The following CELF5 variants were observed in gnomAD, a reference collection of about 807,000 sequenced individuals.
CELF5 encodes the protein CUGBP Elav-like family member 5.
A neutral mutation model predicts 54.9 loss-of-function variants in CELF5; 6 were observed. The ratio of observed to expected loss-of-function variants is 0.11; its 90% CI spans 0.06 to 0.22. CELF5 has a LOEUF of 0.22. CELF5 is among the 10% of genes least tolerant of loss of function. The probability of loss-of-function intolerance (pLI) is 1.00; values close to 1 mark genes in which losing one functional copy is unlikely to be tolerated. For missense variants in CELF5, 401 were observed against 678.6 expected (o/e 0.59, Z 4.54); for synonymous variants, 271 against 290.9 (o/e 0.93, Z 0.70).
At position 3,284,629 on chromosome 19, in the gene CELF5, G is replaced by A. The variant is rs1219539144; in HGVS notation, c.1040-273G>A. 7 of 493,700 alleles carry A rather than the reference G, an allele frequency of 1.4e-5. No individual in the cohort carries two copies. The East Asian group carries it at 2.0e-4, about 14-fold the overall frequency. 30.6% of individuals were successfully genotyped at this position (493,700 alleles called of 1,614,324 possible). On this transcript the variant is annotated intron_variant, in intron 8 of 12. Transcript: ENST00000292672. ...GTCCCCCTTGGGAGGCAACCGGGTC[G>A]GGATAGGGAGAGGGAGATGGGGACG...
rs369283462 is a variant in CELF5, at chr19:3,265,833, G to C, written c.343-8039G>C. ...TTTTCTTTCTTTTTTTTGAGATGGA[G>C]TCTCACTCTGTCATCCAGGCCAGAG... On this transcript the variant is annotated intron_variant, in intron 2 of 12. Coordinates refer to ENST00000292672, the MANE Select transcript of CELF5 (RefSeq NM_021938.4). Among the ~76,000 whole-genome samples the C allele has an allele frequency of 8.6e-5, 13 of 151,870 alleles. No homozygotes were observed. The East Asian group carries it at 2.3e-3, about 27-fold the overall frequency.
chr19:3,257,688 C>G (rs964045853), intron 2 of CELF5, among the ~76,000 whole-genome samples: 16 of 151,846 alleles, frequency 1.1e-4, no homozygotes, highest in Non-Finnish European at 2.4e-4. Flanking sequence ...GTTGGTCAGG[C>G]TGGTCTCGAA....
chr19:3,224,961 C>A lies in CELF5; in HGVS notation c.222C>A (p.Leu74=), dbSNP rs1295311537. 1 of 1,606,912 alleles carries A rather than the reference C, an allele frequency of 6.2e-7. No homozygotes were observed. Among genetic ancestry groups the A allele is most frequent in the Admixed American group, 1.7e-5 (1 of 59,380 alleles). Residue 74 remains leucine (L), a synonymous_variant, in exon 1 of 13, where the codon CTC becomes CTA. Transcript: ENST00000292672. ...AGCAGTTCGGCCGCATCTACGAGCT[C>A]ACGGTGCTCAAAGACCCCTACACGG... ...LFEQFGRIYE[L]TVLKDPYTGM...
intron 2 of CELF5, among the ~76,000 whole-genome samples, chr19:3,270,125 G>A (rs912701198): frequency 5.3e-5 from 8 of 151,996 alleles, no homozygotes; most frequent in Admixed American, 5.2e-4. Flanking sequence ...TCTACCCTCA[G>A]CTCTCCCAGC....
intron 1 of CELF5, among the ~76,000 whole-genome samples, chr19:3,233,968 G>A (rs1715829156): frequency 6.6e-6 from 1 of 152,218 alleles, no homozygotes; most frequent in Non-Finnish European, 1.5e-5. Flanking sequence ...GGCGCCTGGA[G>A]GTAGCTGGAA....
At chr19:3,241,495 C>A (rs73517156) in intron 1 of CELF5, among the ~76,000 whole-genome samples, 3,208 of 152,032 alleles carry the variant, frequency 0.021, 71 homozygotes, top group African/African-American at 0.057. Context: ...CCTCCAGAAC[C>A]CCAAGGCTCT....
chr19:3,233,782 C>CA (rs1917387852), intron 1 of CELF5, among the ~76,000 whole-genome samples: 1 of 152,154 alleles, frequency 6.6e-6, no homozygotes, highest in Admixed American at 6.5e-5. Context: ...GAGGTGGAGC[C>CA]ATGGAGACCT....
chr19:3,292,638 A>T (rs2080370813), intron 11 of CELF5, among the ~76,000 whole-genome samples: 1 of 152,202 alleles, frequency 6.6e-6, no homozygotes, highest in African/African-American at 2.4e-5. Flanking sequence ...AGAGGTACTG[A>T]CAGAGATGGA....
At chr19:3,279,380 A>T (rs1329237247) in intron 5 of CELF5, among the ~76,000 whole-genome samples, 1 of 152,110 alleles carries the variant, frequency 6.6e-6, no homozygotes, top group African/African-American at 2.4e-5. Context: ...CGAATCTGCT[A>T]CAAGGAAGAT....
At chr19:3,260,684 G>A (rs574588464) in intron 2 of CELF5, among the ~76,000 whole-genome samples, 155 of 148,240 alleles carry the variant, frequency 1.0e-3, no homozygotes, top group African/African-American at 3.7e-3. Context: ...GTGCAGTGGC[G>A]TGATCTTGGC....
At chr19:3,274,742 G>A (rs2080019844) in intron 3 of CELF5, among the ~76,000 whole-genome samples, 1 of 152,174 alleles carries the variant, frequency 6.6e-6, no homozygotes, top group African/African-American at 2.4e-5. Flanking sequence ...GTTGAGTGGA[G>A]GCATGGAGCA....
At chr19:3,263,950 C>T (rs1041562084) in intron 2 of CELF5, among the ~76,000 whole-genome samples, 6 of 152,080 alleles carry the variant, frequency 3.9e-5, no homozygotes, top group African/African-American at 1.2e-4. Flanking sequence ...AGTACACACA[C>T]TTACAGAAAA....
chr19:3,285,992 C>T lies in CELF5; in HGVS notation c.1153C>T (p.Pro385Ser). 1.9e-6 allele frequency: 3 copies of T among 1,584,588 alleles called. No homozygotes were observed. Among genetic ancestry groups the T allele is most frequent in the South Asian group, 2.3e-5 (2 of 88,688 alleles). ...ITPIAHSVPQPPPLLQQQQRE... is the reference protein window; with the variant it reads ...ITPIAHSVPQSPPLLQQQQRE... The stretch of plus-strand genomic sequence containing the variant: ...GCCCATCGCGCACAGCGTCCCCCAG[C>T]CGCCGCCCCTCCTGCAGCAGCAGCA... Residue 385 changes from proline (P) to serine (S), a missense_variant, in exon 10 of 13, where the codon CCG becomes TCG. Pro to Ser is a moderately conservative substitution (Grantham distance 74). Coordinates refer to ENST00000292672, the MANE Select transcript of CELF5 (RefSeq NM_021938.4).
At chr19:3,255,439 C>T (rs1280233854) in intron 2 of CELF5, among the ~76,000 whole-genome samples, 3 of 152,134 alleles carry the variant, frequency 2.0e-5, no homozygotes, top group Admixed American at 6.6e-5. Flanking sequence ...CTGCCTCGGC[C>T]TCCCAAAGTG....
Position 3,251,863 on chromosome 19 carries a change from C to T in CELF5, c.342+796C>T, listed in dbSNP as rs187718953. On this transcript the variant is annotated intron_variant, in intron 2 of 12. Transcript: ENST00000292672. Reference sequence around the variant, plus strand: ...CTAATTTTTGTATTTTTAGTAGAGACGGGGTTTTGCCATATTGGCCAGGCT... The same window carrying T: ...CTAATTTTTGTATTTTTAGTAGAGATGGGGTTTTGCCATATTGGCCAGGCT... Among the ~76,000 whole-genome samples the T allele has an allele frequency of 6.8e-4, 103 of 151,772 alleles. No individual in the cohort carries two copies. The South Asian group carries it at 9.6e-3, about 14-fold the overall frequency.
chr19:3,249,276 A>C (rs531797658), intron 1 of CELF5, among the ~76,000 whole-genome samples: 10 of 152,222 alleles, frequency 6.6e-5, no homozygotes, highest in African/African-American at 2.2e-4. Context: ...AGTCCCCTGT[A>C]TCCATCCCAG....
chr19:3,238,006 G>A (rs1024877648), intron 1 of CELF5, among the ~76,000 whole-genome samples: 12 of 151,582 alleles, frequency 7.9e-5, no homozygotes, highest in East Asian at 5.8e-4. Context: ...CCGAGATCAC[G>A]CCACTGCACT....
intron 2 of CELF5, among the ~76,000 whole-genome samples, chr19:3,260,857 C>T (rs930754364): frequency 4.0e-5 from 6 of 151,688 alleles, no homozygotes; most frequent in Admixed American, 6.6e-5. Context: ...CTCCTGACCT[C>T]GTGATCTGCC....
intron 1 of CELF5, among the ~76,000 whole-genome samples, chr19:3,234,247 T>TTCTC (rs149460217): frequency 2.0e-5 from 3 of 149,890 alleles, no homozygotes; most frequent in Non-Finnish European, 3.0e-5. Flanking sequence ...ATGTGGTTCG[T>TTCTC]TCTCTCTCTC....
Sources: gnomAD v4.1 joint callset for allele counts (sites outside exome capture counted in the v4.1 genomes callset) on GRCh38, gnomAD v4.1.1 for gene constraint, MANE v1.5 for transcripts, NCBI Gene and HGNC (gene_info 2026-07-23, HGNC 2026-07-21) for gene names.